SCAI: variants seen among roughly 807,000 people sequenced by gnomAD.
The protein encoded by SCAI is suppressor of cancer cell invasion, also known as protein SCAI.
In SCAI, 24 loss-of-function variants were observed where a neutral mutation model predicts 92.2. The observed-to-expected ratio is 0.26, with a 90% CI of 0.19 to 0.37. The LOEUF is 0.37. Among genes scored for constraint, SCAI ranks in the 10% least tolerant of loss-of-function variants. The pLI is 1.00. For synonymous variants in SCAI, 261 were observed against 258.6 expected, an observed-to-expected ratio of 1.01 and a Z score of -0.09; for missense variants, 450 against 736.2, an observed-to-expected ratio of 0.61 and a Z score of 4.50.
chr9:125,049,795 C>G (rs950623769), intron 3 of SCAI, among the ~76,000 whole-genome samples: 3 of 152,152 alleles, frequency 2.0e-5, no homozygotes, highest in Admixed American at 6.5e-5. Flanking sequence ...ATACAAAAAT[C>G]TGAAACCTTT....
At chr9:125,042,642 C>CGT (rs1833344683) in intron 3 of SCAI, among the ~76,000 whole-genome samples, 2 of 84,206 alleles carry the variant, frequency 2.4e-5, no homozygotes, top group African/African-American at 8.5e-5. Flanking sequence ...TGTACACACA[C>CGT]ACACACACAC....
chr9:125,042,664 C>CATACAT (rs1554783902), intron 3 of SCAI, among the ~76,000 whole-genome samples: 2 of 129,826 alleles, frequency 1.5e-5, no homozygotes, highest in East Asian at 4.9e-4. Flanking sequence ...CACACACACA[C>CATACAT]ACATATACAA....
chr9:124,945,246 T>C lies in SCAI; in HGVS notation c.*7561A>G, dbSNP rs897205991. Reference sequence around the variant, plus strand: ...AAACATGGCACTGGTTAAAGTAGTCTGATAACTATTAAAAAGAATTTTTTT... The same window carrying C: ...AAACATGGCACTGGTTAAAGTAGTCCGATAACTATTAAAAAGAATTTTTTT... On this transcript the variant is annotated 3_prime_UTR_variant, in exon 18 of 18. Coordinates refer to ENST00000336505, the MANE Select transcript of SCAI (RefSeq NM_001144877.3). 3.9e-5 allele frequency: 6 copies of C among 152,218 alleles called. No individual in the cohort carries two copies. Among genetic ancestry groups the C allele is most frequent in the Non-Finnish European group, 5.9e-5 (4 of 68,038 alleles). 9.4% of individuals were successfully genotyped at this position (152,218 alleles called of 1,614,324 possible). A position where few individuals can be genotyped will look rare whatever the true frequency, so the allele number is the denominator to read the frequency against.
chr9:125,096,111 T>C (rs535787691), intron 2 of SCAI, among the ~76,000 whole-genome samples: 1 of 152,130 alleles, frequency 6.6e-6, no homozygotes, highest in African/African-American at 2.4e-5. Flanking sequence ...ACACTGTTGA[T>C]AAAGACATAC....
At chr9:125,020,091 A>G (rs2131072953) in intron 7 of SCAI, among the ~76,000 whole-genome samples, 1 of 151,804 alleles carries the variant, frequency 6.6e-6, no homozygotes, top group Middle Eastern at 3.4e-3. Flanking sequence ...AAAAAGAAAA[A>G]AAAAAAACCC....
At chr9:125,143,181 C>T (rs996318753) in intron 1 of SCAI, among the ~76,000 whole-genome samples, 68 of 151,640 alleles carry the variant, frequency 4.5e-4, no homozygotes, top group Non-Finnish European at 1.2e-4. Flanking sequence ...TTCCCTCACA[C>T]GCCCCTCTCA....
intron 2 of SCAI, among the ~76,000 whole-genome samples, chr9:125,136,462 T>C (rs1053060326): frequency 1.1e-4 from 15 of 140,172 alleles, no homozygotes; most frequent in African/African-American, 3.7e-4. Flanking sequence ...CTTTCTTTTT[T>C]TTTTTTTTTT....
At chr9:125,002,724 T>C (rs557027364) in intron 11 of SCAI, among the ~76,000 whole-genome samples, 1 of 151,886 alleles carries the variant, frequency 6.6e-6, no homozygotes, top group Non-Finnish European at 1.5e-5. Context: ...CCTCAGGTGA[T>C]CCACCTGGCT....
At chr9:125,094,841 T>C (rs1834512153) in intron 2 of SCAI, among the ~76,000 whole-genome samples, 1 of 152,110 alleles carries the variant, frequency 6.6e-6, no homozygotes, top group South Asian at 2.1e-4. Flanking sequence ...TAATGCAAAC[T>C]TCATGAGGGG....
chr9:125,006,510 GAGACGGAGTCTCGCTCTGTCACCC>G (rs1384684491), intron 9 of SCAI, among the ~76,000 whole-genome samples: 15 of 151,488 alleles, frequency 9.9e-5, no homozygotes, highest in Non-Finnish European at 2.9e-5. Context: ...TCATTCATTT[GAGACGGAGTCTCGCTCTGTCACCC>G]AGGCTGGAGT....
At chr9:124,999,635 A>C (rs1051521820) in intron 13 of SCAI, among the ~76,000 whole-genome samples, 3 of 152,188 alleles carry the variant, frequency 2.0e-5, no homozygotes, top group African/African-American at 7.2e-5. Context: ...AATTTTGTTC[A>C]CTGACATATC....
chr9:125,099,455 T>C lies in SCAI; in HGVS notation c.98+43178A>G, dbSNP rs371356909. Among the ~76,000 whole-genome samples the C allele has an allele frequency of 9.2e-5, 14 of 152,268 alleles. No homozygotes were observed. In the East Asian group the frequency reaches 1.2e-3, roughly 13 times the overall value. ...CTACCATGCCTGGCTAATTTTTTTG[T>C]ATTTTTAGTAGAGACAGGGTTTTGC... On this transcript the variant is annotated intron_variant, in intron 2 of 17. Transcript: ENST00000336505.
chr9:125,002,185 G>C (rs1044875630), intron 11 of SCAI, 142 bp from the exon 12 acceptor site: 1 of 625,480 alleles, frequency 1.6e-6, no homozygotes, highest in Non-Finnish European at 2.8e-6. Context: ...CGCTCTTCTT[G>C]GTCCTGACTT....
intron 6 of SCAI, 108 bp downstream of exon 6, chr9:125,026,704 G>A (rs1046257122): frequency 1.0e-5 from 6 of 599,384 alleles, no homozygotes; most frequent in Non-Finnish European, 1.4e-5. Flanking sequence ...AATAAAGCCT[G>A]GTAAACGAGT....
At position 124,952,813 on chromosome 9, in the gene SCAI, G is replaced by C. The variant is rs1445311517; in HGVS notation, c.1815C>G (p.Asp605Glu). The change falls in exon 18 of 18, where the codon GAC becomes GAG. Residue 605 changes from aspartate (D) to glutamate (E), a missense_variant. Coordinates refer to ENST00000336505, the MANE Select transcript of SCAI (RefSeq NM_001144877.3). Reference protein sequence around the residue: ...RNVFFENTIDDY With the variant: ...RNVFFENTIDEY ...CGACAACAGGGTTTTTGTTTTAATAGTCATCAATGGTATTCTCAAAGAACA... is the reference window on the plus strand; with the variant it reads ...CGACAACAGGGTTTTTGTTTTAATACTCATCAATGGTATTCTCAAAGAACA... 4.4e-6 allele frequency: 7 copies of C among 1,608,318 alleles called. No homozygotes were observed. The highest frequency in any genetic ancestry group is 5.9e-6 in the Non-Finnish European group (7 of 1,178,148).
In SCAI at chr9:124,944,035, C is replaced by G. The variant is rs1203867767; in HGVS notation, c.*8772G>C. On this transcript the variant is annotated 3_prime_UTR_variant, in exon 18 of 18. Transcript: ENST00000336505. ...ACTTTGTATTTGCCTTTCCTATTAT[C>G]TAAGATGTTTCTACCTCAACTGGAA... 6.6e-6 allele frequency: 1 copy of G among 152,180 alleles called. No homozygotes were observed. Among genetic ancestry groups the G allele is most frequent in the African/African-American group, 2.4e-5 (1 of 41,434 alleles). The allele number at this position is 152,180 out of a possible 1,614,324, so 9.4% of individuals were successfully genotyped here.
At position 124,978,428 on chromosome 9, in the gene SCAI, G is replaced by A. The variant is rs142092323; in HGVS notation, c.1327-2242C>T. ...TGCACTCCAGCCTGGATGACAGAGCGAGACTCCATCTCAAAATTCCATTTT... is the reference window on the plus strand; with the variant it reads ...TGCACTCCAGCCTGGATGACAGAGCAAGACTCCATCTCAAAATTCCATTTT... On this transcript the variant is annotated intron_variant, in intron 14 of 17. Coordinates refer to ENST00000336505, the MANE Select transcript of SCAI (RefSeq NM_001144877.3). Among the ~76,000 whole-genome samples, 1,388 of 152,302 alleles carry A rather than the reference G, an allele frequency of 9.1e-3. 24 individuals are homozygous for A. The highest frequency in any genetic ancestry group is 0.031 in the African/African-American group (1,294 of 41,532).
At chr9:125,108,072 G>A (rs576644194) in intron 2 of SCAI, among the ~76,000 whole-genome samples, 2 of 152,404 alleles carry the variant, frequency 1.3e-5, no homozygotes, top group East Asian at 3.9e-4. Context: ...AACCGCGAGT[G>A]ATCTGCCAGC....
Position 125,000,588 on chromosome 9 carries a change from T to G in SCAI, c.1145-598A>C, listed in dbSNP as rs369008966. Among the ~76,000 whole-genome samples the G allele has an allele frequency of 7.8e-5, 11 of 140,592 alleles. No individual in the cohort carries two copies. The South Asian group carries it at 2.6e-3, about 33-fold the overall frequency. 92.2% of individuals were successfully genotyped at this position (140,592 alleles called of 152,430 possible). A position where few individuals can be genotyped will look rare whatever the true frequency, so the allele number is the denominator to read the frequency against. ...TTGCACTCCAGTCTGCATGACAGAG[T>G]GAGACCCTGTCTCAGAAAAAAAAAA... On this transcript the variant is annotated intron_variant, in intron 12 of 17. Transcript: ENST00000336505.
Sources: allele counts gnomAD v4.1 joint callset (sites outside exome capture counted in the v4.1 genomes callset), GRCh38; gene constraint gnomAD v4.1.1; transcripts MANE v1.5; gene names NCBI Gene and HGNC (gene_info 2026-07-23, HGNC 2026-07-21).